The following USP8 variants were observed in gnomAD, a reference collection of about 807,000 sequenced individuals.
The protein encoded by USP8 is ubiquitin carboxyl-terminal hydrolase 8.
In USP8, 27 loss-of-function variants were observed where a neutral mutation model predicts 130.0. That is an observed-to-expected ratio of 0.21 (90% confidence interval 0.15 to 0.29). USP8 has a LOEUF of 0.29. Ranked by LOEUF, USP8 falls within the 10% of genes least tolerant of loss-of-function variation. The pLI is 1.00. For synonymous variants in USP8, 392 were observed against 444.1 expected (o/e 0.88, Z 1.48); for missense variants, 1,029 against 1,312.2 (o/e 0.78, Z 3.33).
intron 6 of USP8, among the ~76,000 whole-genome samples, chr15:50,464,674 T>A (rs1052516685): frequency 2.0e-5 from 3 of 152,146 alleles, no homozygotes; most frequent in African/African-American, 7.2e-5. Context: ...CTAGTCAACA[T>A]GGTGAAACCC....
chr15:50,431,881 T>C (rs62016945), intron 1 of USP8, among the ~76,000 whole-genome samples: 22,906 of 151,992 alleles, frequency 0.15, 2,113 homozygotes, highest in Middle Eastern at 0.28. Flanking sequence ...GTCTTGAACT[T>C]CTGACCTCAG....
At chr15:50,491,713 C>G (rs1393518939) in intron 14 of USP8, among the ~76,000 whole-genome samples, 1 of 151,180 alleles carries the variant, frequency 6.6e-6, no homozygotes, top group Non-Finnish European at 1.5e-5. Context: ...TCTAGTAGTT[C>G]CACATATAAA....
chr15:50,445,743 G>C (rs1379268804), intron 3 of USP8, among the ~76,000 whole-genome samples: 2 of 150,440 alleles, frequency 1.3e-5, no homozygotes, highest in African/African-American at 4.9e-5. Context: ...TGTAATCCCA[G>C]CTACTTGGAA....
In USP8 at chr15:50,502,297, G is replaced by T. The variant is rs1426745542; in HGVS notation, c.*3209G>T. ...GCTAATTTTTTGTATTTTTAGTAGA[G>T]ATGGGGTTTCACTGTGTTAGCCAGG... On this transcript the variant is annotated 3_prime_UTR_variant, in exon 20 of 20. Transcript: ENST00000307179. The T allele has an allele frequency of 6.6e-6, 1 of 152,136 alleles. No homozygotes were observed. The highest frequency in any genetic ancestry group is 1.5e-5 in the Non-Finnish European group (1 of 68,098). The allele number at this position is 152,136 out of a possible 1,614,324, so 9.4% of individuals were successfully genotyped here.
chr15:50,445,174 G>A (rs1037340253), intron 3 of USP8, among the ~76,000 whole-genome samples: 2 of 152,050 alleles, frequency 1.3e-5, no homozygotes, highest in Non-Finnish European at 2.9e-5. Flanking sequence ...TTACCCTTTA[G>A]ATGAGGTAGG....
intron 4 of USP8, among the ~76,000 whole-genome samples, chr15:50,449,806 C>T (rs979010962): frequency 2.6e-5 from 4 of 151,296 alleles, no homozygotes; most frequent in Non-Finnish European, 5.9e-5. Context: ...TGGTCTCGAT[C>T]TCCTGACCTT....
chr15:50,446,039 ATAAAAT>A (rs2050431277), intron 3 of USP8, among the ~76,000 whole-genome samples: 1 of 152,194 alleles, frequency 6.6e-6, no homozygotes, highest in African/African-American at 2.4e-5. Flanking sequence ...CGAATTCTAG[ATAAAAT>A]TAGAATTGTA....
At chr15:50,432,805 C>T (rs1293159974) in intron 1 of USP8, among the ~76,000 whole-genome samples, 8 of 152,094 alleles carry the variant, frequency 5.3e-5, no homozygotes, top group Non-Finnish European at 1.0e-4. Flanking sequence ...TCATGACCTT[C>T]TAATGGATTT....
intron 2 of USP8, 64 bp from the exon 3 acceptor site, chr15:50,441,285 A>G (rs759182611): frequency 1.4e-5 from 20 of 1,454,134 alleles, no homozygotes; most frequent in Middle Eastern, 2.5e-4. Flanking sequence ...TGGACTTTGT[A>G]TATGACCTGT....
Position 50,497,099 on chromosome 15 carries a change from G to C in USP8, c.2906G>C (p.Arg969Thr), listed in dbSNP as rs2052446555. 2.5e-6 allele frequency: 4 copies of C among 1,600,154 alleles called. No homozygotes were observed. Among genetic ancestry groups the C allele is most frequent in the Non-Finnish European group, 2.6e-6 (3 of 1,175,184 alleles). ...GTTTTTTTCTGCCAGGATTGCCTTAGATTATTTTCCAAAGAAGAAAAACTC... is the reference window on the plus strand; with the variant it reads ...GTTTTTTTCTGCCAGGATTGCCTTACATTATTTTCCAAAGAAGAAAAACTC... ...TSKCTLQDCL[R>T]LFSKEEKLTD... The change falls in exon 18 of 20, where the codon AGA becomes ACA. Residue 969 changes from arginine to threonine, a missense_variant. Arg to Thr is a moderately conservative substitution (Grantham distance 71). Around this residue, in one of 4 missense-constraint regions of USP8, gnomAD observed 257 missense variants for 429.8 expected, o/e 0.60. Coordinates refer to ENST00000307179, the MANE Select transcript of USP8 (RefSeq NM_005154.5).
chr15:50,445,545 C>A (rs1272156196), intron 3 of USP8, among the ~76,000 whole-genome samples: 22 of 10,010 alleles, frequency 2.2e-3, no homozygotes, highest in African/African-American at 5.6e-3. Context: ...GAGTCTGTCT[C>A]AAAAAAAAAA....
chr15:50,472,192 C>T (rs1413023637), intron 8 of USP8, among the ~76,000 whole-genome samples: 7 of 151,972 alleles, frequency 4.6e-5, no homozygotes, highest in African/African-American at 1.7e-4. Context: ...TGAGCAGCTG[C>T]GCCCAGCCCA....
chr15:50,477,014 G>T (rs1315265957), intron 9 of USP8, 21 bp downstream of exon 9: 1 of 1,593,646 alleles, frequency 6.3e-7, no homozygotes, highest in African/African-American at 1.4e-5. Flanking sequence ...GAAAATTTTT[G>T]TTTAAAATTG....
intron 8 of USP8, among the ~76,000 whole-genome samples, chr15:50,472,551 C>T (rs542067646): frequency 1.4e-5 from 2 of 146,602 alleles, no homozygotes; most frequent in African/African-American, 5.1e-5. Flanking sequence ...GAGCAGAGAT[C>T]GCACCACTGC....
chr15:50,459,271 A>T, intron 5 of USP8, 109 bp downstream of exon 5: 1 of 1,381,532 alleles, frequency 7.2e-7, no homozygotes. Context: ...ACAAGGATGA[A>T]ATTTAATGTT....
intron 1 of USP8, among the ~76,000 whole-genome samples, chr15:50,436,686 T>A (rs549935072): frequency 1.3e-5 from 2 of 152,028 alleles, no homozygotes; most frequent in Non-Finnish European, 1.5e-5. Context: ...TGTTTTTTGT[T>A]TTTTGAGACA....
chr15:50,427,034 AC>A (rs2049755269), intron 1 of USP8: 2 of 151,028 alleles, frequency 1.3e-5, no homozygotes, highest in African/African-American at 4.9e-5. Context: ...GCTCACTGCA[AC>A]CTCTGCCTCC....
intron 5 of USP8, among the ~76,000 whole-genome samples, chr15:50,461,330 G>C (rs911076921): frequency 2.6e-5 from 4 of 151,760 alleles, no homozygotes; most frequent in African/African-American, 9.7e-5. Context: ...AGTCATGATA[G>C]TGCACACCTG....
intron 3 of USP8, among the ~76,000 whole-genome samples, chr15:50,445,225 T>G (rs2050385502): frequency 6.6e-6 from 1 of 151,946 alleles, no homozygotes; most frequent in African/African-American, 2.4e-5. Context: ...AAACTTGTAT[T>G]TTCACTCTTA....
Sources: allele counts gnomAD v4.1 joint callset (sites outside exome capture counted in the v4.1 genomes callset), GRCh38; gene constraint gnomAD v4.1.1; regional missense constraint gnomAD v4.1.1; transcripts MANE v1.5; gene names NCBI Gene and HGNC (gene_info 2026-07-23, HGNC 2026-07-21).